TBC1D22A: variants seen among roughly 807,000 people sequenced by gnomAD.
The protein encoded by TBC1D22A is putative GTPase activator.
Under a neutral mutation model 60.2 loss-of-function variants are expected in TBC1D22A, and 38 were observed. The observed-to-expected ratio is 0.63, with a 90% CI of 0.49 to 0.83. The LOEUF is 0.83. Among genes scored for constraint, TBC1D22A ranks in the 40% least tolerant of loss-of-function variants. The probability of loss-of-function intolerance (pLI) is 0.00; values close to 1 mark genes in which losing one functional copy is unlikely to be tolerated. For synonymous variants in TBC1D22A, 302 were observed against 281.7 expected (o/e 1.07, Z -0.72); for missense variants, 628 against 701.0 (o/e 0.90, Z 1.18).
chr22:47,030,825 A>G (rs961945470), intron 10 of TBC1D22A, among the ~76,000 whole-genome samples: 1 of 152,248 alleles, frequency 6.6e-6, no homozygotes, highest in African/African-American at 2.4e-5. Context: ...ATGTGTATAA[A>G]TGGGAAGTAA....
At chr22:46,934,851 G>A (rs1476076194) in intron 8 of TBC1D22A, among the ~76,000 whole-genome samples, 1 of 152,184 alleles carries the variant, frequency 6.6e-6, no homozygotes, top group Admixed American at 6.5e-5. Context: ...CTGTCCAGGG[G>A]CCCTCCCTGG....
At chr22:47,048,040 C>T (rs1281411617) in intron 11 of TBC1D22A, among the ~76,000 whole-genome samples, 1 of 152,216 alleles carries the variant, frequency 6.6e-6, no homozygotes, top group Non-Finnish European at 1.5e-5. Flanking sequence ...AAGAAAAAAG[C>T]CAGAACAGGG....
intron 11 of TBC1D22A, among the ~76,000 whole-genome samples, chr22:47,060,068 T>C (rs953413751): frequency 6.6e-5 from 10 of 152,068 alleles, no homozygotes; most frequent in African/African-American, 2.4e-4. Context: ...AAAGGCCTCA[T>C]TTGGACAGGA....
chr22:47,014,634 C>T (rs957005332), intron 10 of TBC1D22A, among the ~76,000 whole-genome samples: 1 of 152,244 alleles, frequency 6.6e-6, no homozygotes, highest in Admixed American at 6.5e-5. Context: ...CTAACAGTAT[C>T]TCCGCCTGAC....
At chr22:47,172,002 G>A (rs925712414) in intron 12 of TBC1D22A, among the ~76,000 whole-genome samples, 1 of 104,504 alleles carries the variant, frequency 9.6e-6, no homozygotes, top group Non-Finnish European at 2.3e-5. Context: ...CGCCCGGTGA[G>A]CCCAGTGTGC....
At chr22:47,146,105 C>T (rs1015126436) in intron 12 of TBC1D22A, among the ~76,000 whole-genome samples, 1 of 149,178 alleles carries the variant, frequency 6.7e-6, no homozygotes, top group Non-Finnish European at 1.5e-5. Flanking sequence ...GGGGCCGCGG[C>T]GCGGGGATGT....
At chr22:47,007,192 TC>T (rs1441630755) in intron 10 of TBC1D22A, among the ~76,000 whole-genome samples, 1 of 152,198 alleles carries the variant, frequency 6.6e-6, no homozygotes, top group Non-Finnish European at 1.5e-5. Flanking sequence ...TGAAGAGTTT[TC>T]TTCTGTGATG....
chr22:46,826,178 G>C (rs1190306981), intron 4 of TBC1D22A, among the ~76,000 whole-genome samples: 1 of 152,188 alleles, frequency 6.6e-6, no homozygotes, highest in Non-Finnish European at 1.5e-5. Flanking sequence ...ACCACACCCA[G>C]CTGGTGGTCT....
At chr22:46,877,711 C>T (rs370066904) in intron 4 of TBC1D22A, among the ~76,000 whole-genome samples, 26 of 152,232 alleles carry the variant, frequency 1.7e-4, no homozygotes, top group African/African-American at 5.5e-4. Flanking sequence ...CTTTTATTCC[C>T]GTTATTAATC....
At chr22:47,108,268 C>T (rs2065711584) in intron 11 of TBC1D22A, among the ~76,000 whole-genome samples, 1 of 152,220 alleles carries the variant, frequency 6.6e-6, no homozygotes, top group South Asian at 2.1e-4. Flanking sequence ...CATGGCATCT[C>T]TCTGCATAGT....
intron 1 of TBC1D22A, among the ~76,000 whole-genome samples, chr22:46,765,620 CA>C (rs2083254606): frequency 6.6e-6 from 1 of 151,906 alleles, no homozygotes; most frequent in Non-Finnish European, 1.5e-5. Context: ...CGCCCACCAG[CA>C]CGCCTGTCTG....
chr22:46,968,818 G>A (rs1406681960), intron 8 of TBC1D22A, among the ~76,000 whole-genome samples: 1 of 152,216 alleles, frequency 6.6e-6, no homozygotes, highest in African/African-American at 2.4e-5. Context: ...TTCGCATATT[G>A]CAGAGTAGCA....
intron 1 of TBC1D22A, among the ~76,000 whole-genome samples, chr22:46,783,509 G>A (rs768316723): frequency 1.3e-5 from 2 of 152,194 alleles, no homozygotes; most frequent in Admixed American, 6.5e-5. Flanking sequence ...AGTTGATGCC[G>A]CTGTGGGGTC....
At chr22:46,969,353 GCATCCCTGGATGA>G (rs1020498066) in intron 8 of TBC1D22A, among the ~76,000 whole-genome samples, 2 of 152,120 alleles carry the variant, frequency 1.3e-5, no homozygotes, top group African/African-American at 4.8e-5. Context: ...CCTGTGTGTG[GCATCCCTGGATGA>G]TGCCCCTCTG....
intron 9 of TBC1D22A, 43 bp downstream of exon 9, chr22:46,974,442 C>G (rs764285621): frequency 6.5e-7 from 1 of 1,536,022 alleles, no homozygotes; most frequent in South Asian, 1.2e-5. Context: ...GCCCACAGCC[C>G]CTGCGGTGAA....
intron 12 of TBC1D22A, among the ~76,000 whole-genome samples, chr22:47,162,569 A>G (rs1601726805): frequency 6.6e-6 from 1 of 152,148 alleles, no homozygotes; most frequent in South Asian, 2.1e-4. Context: ...TTCTATAGTC[A>G]TCTTCCCCCA....
chr22:46,875,800 C>T (rs1299880251), intron 4 of TBC1D22A, among the ~76,000 whole-genome samples: 4 of 152,140 alleles, frequency 2.6e-5, no homozygotes, highest in Non-Finnish European at 4.4e-5. Context: ...CAAAATATCA[C>T]GCCCCCCAAC....
rs932020723 is a variant in TBC1D22A, at chr22:46,894,679, A to G, written c.838-105A>G. ...AGAATCCTCAAGGAGAGAGCGGGGT[A>G]GAGGCCGGGGAAGGACTTACCTCAG... On this transcript the variant is annotated intron_variant, in intron 6 of 12. Coordinates refer to ENST00000337137, the MANE Select transcript of TBC1D22A (RefSeq NM_014346.5). 3.8e-6 allele frequency: 5 copies of G among 1,321,548 alleles called. No individual in the cohort carries two copies. In the African/African-American group the frequency reaches 4.3e-5, roughly 11 times the overall value. 81.9% of individuals were successfully genotyped at this position (1,321,548 alleles called of 1,614,324 possible).
chr22:47,082,725 A>T lies in TBC1D22A; in HGVS notation c.1330-28783A>T, dbSNP rs779036415. On this transcript the variant is annotated intron_variant, in intron 11 of 12. Coordinates refer to ENST00000337137, the MANE Select transcript of TBC1D22A (RefSeq NM_014346.5). The stretch of plus-strand genomic sequence containing the variant: ...AATGGCTAAAAATGAAAGAACTGAC[A>T]ACACTAAGTGCTGACAAGTATGTGG... 2.0e-5 allele frequency among the ~76,000 whole-genome samples: 3 copies of T among 152,244 alleles called. No homozygotes were observed. The East Asian group carries it at 5.8e-4, about 29-fold the overall frequency.
Sources: gnomAD v4.1 joint callset for allele counts (sites outside exome capture counted in the v4.1 genomes callset) on GRCh38, gnomAD v4.1.1 for gene constraint, MANE v1.5 for transcripts, NCBI Gene and HGNC (gene_info 2026-07-23, HGNC 2026-07-21) for gene names.